The following ERC2 variants were observed in gnomAD, a reference collection of about 807,000 sequenced individuals.
The protein encoded by ERC2 is ERC protein 2.
In ERC2, 42 loss-of-function variants were observed where a neutral mutation model predicts 114.8. The ratio of observed to expected loss-of-function variants is 0.37; its 90% confidence interval spans 0.29 to 0.47. The LOEUF is 0.47. Ranked by LOEUF, ERC2 falls within the 20% of genes least tolerant of loss-of-function variation. The probability of loss-of-function intolerance (pLI) is 0.99; values close to 1 mark genes in which losing one functional copy is unlikely to be tolerated. For missense variants in ERC2, 939 were observed against 1,150.7 expected (o/e 0.82, Z 2.66); for synonymous variants, 454 against 425.5 (o/e 1.07, Z -0.82).
intron 1 of ERC2, among the ~76,000 whole-genome samples, chr3:56,436,304 T>G: frequency 6.6e-6 from 1 of 152,256 alleles, no homozygotes; most frequent in South Asian, 2.1e-4. Flanking sequence ...TAGTACCATC[T>G]AACTCATAGT....
chr3:56,035,172 T>A (rs987569815), intron 7 of ERC2, among the ~76,000 whole-genome samples: 1 of 152,088 alleles, frequency 6.6e-6, no homozygotes, highest in African/African-American at 2.4e-5. Context: ...CAAAGGATTA[T>A]AAAAGATTAT....
chr3:56,100,257 C>T (rs767425176), intron 6 of ERC2, among the ~76,000 whole-genome samples: 2 of 152,138 alleles, frequency 1.3e-5, no homozygotes, highest in African/African-American at 2.4e-5. Flanking sequence ...TTGGTAGGCC[C>T]TCCAATATAT....
chr3:55,781,251 A>G (rs1029311894), intron 14 of ERC2, among the ~76,000 whole-genome samples: 10 of 152,118 alleles, frequency 6.6e-5, no homozygotes, highest in Non-Finnish European at 2.9e-5. Context: ...TCACTGTTTC[A>G]AGTTCAGATC....
chr3:56,051,843 AC>A (rs2075784894), intron 7 of ERC2, among the ~76,000 whole-genome samples: 1 of 140,994 alleles, frequency 7.1e-6, no homozygotes, highest in African/African-American at 3.0e-5. Flanking sequence ...ACACACACAC[AC>A]ACACACACAC....
At chr3:56,431,727 C>T (rs1246650401) in intron 2 of ERC2, among the ~76,000 whole-genome samples, 2 of 152,258 alleles carry the variant, frequency 1.3e-5, no homozygotes, top group Middle Eastern at 3.4e-3. Context: ...CTTTGTAAGA[C>T]ATCATATTGC....
At chr3:55,970,000 A>G (rs2069041228) in intron 12 of ERC2, among the ~76,000 whole-genome samples, 1 of 152,178 alleles carries the variant, frequency 6.6e-6, no homozygotes, top group African/African-American at 2.4e-5. Context: ...CAAGGTAAGC[A>G]TCCATTTCAA....
chr3:55,964,260 TA>T (rs2068590738), intron 12 of ERC2, among the ~76,000 whole-genome samples: 1 of 152,210 alleles, frequency 6.6e-6, no homozygotes, highest in South Asian at 2.1e-4. Context: ...AGAGGTTATA[TA>T]ATATGCCCAA....
intron 2 of ERC2, among the ~76,000 whole-genome samples, chr3:56,322,999 C>A (rs934990307): frequency 3.3e-5 from 5 of 152,090 alleles, no homozygotes; most frequent in Admixed American, 1.3e-4. Context: ...ATATTAGTTA[C>A]CTTGAGAGTA....
intron 3 of ERC2, among the ~76,000 whole-genome samples, chr3:56,182,491 T>G (rs2083342715): frequency 6.6e-6 from 1 of 152,252 alleles, no homozygotes; most frequent in African/African-American, 2.4e-5. Flanking sequence ...ACTTACACAT[T>G]GCTATGCGCT....
At chr3:55,615,371 A>G (rs1004388017) in intron 17 of ERC2, among the ~76,000 whole-genome samples, 3 of 152,254 alleles carry the variant, frequency 2.0e-5, no homozygotes, top group Non-Finnish European at 4.4e-5. Context: ...AATTACAACT[A>G]TTAGTAGATT....
At chr3:56,362,866 C>T (rs2059010649) in intron 2 of ERC2, among the ~76,000 whole-genome samples, 1 of 152,188 alleles carries the variant, frequency 6.6e-6, no homozygotes, top group Non-Finnish European at 1.5e-5. Context: ...GTCTTTCTTG[C>T]ATTTCTGAGC....
intron 2 of ERC2, among the ~76,000 whole-genome samples, chr3:56,351,230 G>A (rs1424514303): frequency 6.6e-6 from 1 of 152,122 alleles, no homozygotes; most frequent in Admixed American, 6.6e-5. Flanking sequence ...CCCAGTGGAA[G>A]ATAAAACTAG....
At chr3:56,144,406 GCT>G (rs2081031338) in intron 5 of ERC2, among the ~76,000 whole-genome samples, 1 of 152,214 alleles carries the variant, frequency 6.6e-6, no homozygotes, top group South Asian at 2.1e-4. Flanking sequence ...ATTATATCCA[GCT>G]GTAGCTGACA....
chr3:56,046,790 G>A (rs2075485383), intron 7 of ERC2, among the ~76,000 whole-genome samples: 1 of 152,120 alleles, frequency 6.6e-6, no homozygotes, highest in Non-Finnish European at 1.5e-5. Context: ...TAAACCCTGG[G>A]GCTGGACAGA....
At chr3:55,901,582 T>C (rs1161431509) in intron 13 of ERC2, among the ~76,000 whole-genome samples, 1 of 152,218 alleles carries the variant, frequency 6.6e-6, no homozygotes, top group African/African-American at 2.4e-5. Flanking sequence ...CATCTCATGC[T>C]TTAACTCTCC....
At chr3:55,986,571 C>A in intron 11 of ERC2, among the ~76,000 whole-genome samples, 1 of 152,110 alleles carries the variant, frequency 6.6e-6, no homozygotes, top group East Asian at 1.9e-4. Context: ...TAGCAATGAT[C>A]AAAGACCCCC....
At chr3:56,390,083 A>C (rs1281655978) in intron 2 of ERC2, among the ~76,000 whole-genome samples, 1 of 152,196 alleles carries the variant, frequency 6.6e-6, no homozygotes, top group African/African-American at 2.4e-5. Flanking sequence ...TGAACTCAGG[A>C]ATGGAATAAT....
At chr3:56,097,901 G>A (rs2078149281) in intron 6 of ERC2, among the ~76,000 whole-genome samples, 1 of 152,166 alleles carries the variant, frequency 6.6e-6, no homozygotes, top group South Asian at 2.1e-4. Context: ...CTAAGAGGGA[G>A]ATACAGAGAG....
chr3:56,363,796 A>G (rs2059048209), intron 2 of ERC2, among the ~76,000 whole-genome samples: 1 of 128,862 alleles, frequency 7.8e-6, no homozygotes, highest in African/African-American at 2.9e-5. Flanking sequence ...AGAAGGAAAG[A>G]GGGAAGAAGG....
Sources: allele counts gnomAD v4.1 joint callset (sites outside exome capture counted in the v4.1 genomes callset), GRCh38; gene constraint gnomAD v4.1.1; transcripts MANE v1.5; gene names NCBI Gene and HGNC (gene_info 2026-07-23, HGNC 2026-07-21).